Variants in TRHDE observed in about 807,000 individuals in gnomAD.
TRHDE encodes the protein thyrotropin-releasing hormone-degrading ectoenzyme.
A neutral mutation model predicts 125.7 loss-of-function variants in TRHDE; 72 were observed. That is an observed-to-expected ratio of 0.57 (90% CI 0.47 to 0.70). The LOEUF (loss-of-function observed/expected upper bound fraction) is 0.70. Ranked by LOEUF, TRHDE falls within the 30% of genes least tolerant of loss-of-function variation. TRHDE has a pLI of 0.00. For missense variants in TRHDE, 1,110 were observed against 1,327.1 expected, an observed-to-expected ratio of 0.84 and a Z score of 2.54; for synonymous variants, 509 against 509.1, an observed-to-expected ratio of 1.00 and a Z score of 0.00.
chr12:72,281,949 A>T (rs1377915339), intron 1 of TRHDE, among the ~76,000 whole-genome samples: 9 of 152,196 alleles, frequency 5.9e-5, no homozygotes, highest in Admixed American at 5.9e-4. Context: ...CTCAACCAAA[A>T]TGTCAAATAG....
intron 2 of TRHDE, among the ~76,000 whole-genome samples, chr12:72,116,768 C>T (rs1875454884): frequency 6.6e-6 from 1 of 151,550 alleles, no homozygotes; most frequent in South Asian, 2.1e-4. Context: ...AACATTTTTT[C>T]CCATTCTCTA....
intron 15 of TRHDE, among the ~76,000 whole-genome samples, chr12:72,631,561 AT>A (rs1297946625): frequency 6.6e-6 from 1 of 151,946 alleles, no homozygotes; most frequent in African/African-American, 2.4e-5. Context: ...CTCAAAATAC[AT>A]TTCAGCAAAA....
chr12:72,411,243 A>G (rs1873495412), intron 3 of TRHDE, among the ~76,000 whole-genome samples: 1 of 151,662 alleles, frequency 6.6e-6, no homozygotes. Context: ...TGCAACTGAT[A>G]ACATTTGGCA....
At chr12:72,490,327 T>C (rs1224575604) in intron 5 of TRHDE, among the ~76,000 whole-genome samples, 1 of 151,854 alleles carries the variant, frequency 6.6e-6, no homozygotes, top group East Asian at 1.9e-4. Flanking sequence ...AGTTAAAAGA[T>C]AACCAATGTT....
chr12:72,282,043 T>C (rs1879714324), intron 1 of TRHDE, among the ~76,000 whole-genome samples: 1 of 152,204 alleles, frequency 6.6e-6, no homozygotes, highest in Admixed American at 6.5e-5. Flanking sequence ...TTTCCAGTTA[T>C]GCTAAAATGA....
chr12:72,365,877 T>G (rs573879697), intron 2 of TRHDE, among the ~76,000 whole-genome samples: 1 of 152,276 alleles, frequency 6.6e-6, no homozygotes, highest in East Asian at 1.9e-4. Context: ...AACCAAGGAC[T>G]GTGGAGGGCT....
chr12:72,173,163 A>T (rs1876913858), intron 2 of TRHDE, among the ~76,000 whole-genome samples: 1 of 152,188 alleles, frequency 6.6e-6, no homozygotes, highest in East Asian at 1.9e-4. Flanking sequence ...ATGCCTTCAG[A>T]TATTAATAAT....
intron 2 of TRHDE, among the ~76,000 whole-genome samples, chr12:72,260,053 T>C (rs1878912556): frequency 6.6e-6 from 1 of 152,242 alleles, no homozygotes; most frequent in South Asian, 2.1e-4. Flanking sequence ...ATACTTTCTA[T>C]GCACATCTAT....
intron 5 of TRHDE, among the ~76,000 whole-genome samples, chr12:72,485,802 T>C (rs1877378222): frequency 6.6e-6 from 1 of 152,180 alleles, no homozygotes; most frequent in African/African-American, 2.4e-5. Context: ...TGTACTATCT[T>C]GACCTCCAGG....
At chr12:72,502,938 T>G (rs1425176510) in intron 6 of TRHDE, among the ~76,000 whole-genome samples, 1 of 152,186 alleles carries the variant, frequency 6.6e-6, no homozygotes, top group African/African-American at 2.4e-5. Flanking sequence ...CATCAGGCCT[T>G]TATGTAAATT....
At chr12:72,616,638 A>ATAAAT (rs1204591590) in intron 12 of TRHDE, among the ~76,000 whole-genome samples, 4 of 152,154 alleles carry the variant, frequency 2.6e-5, no homozygotes, top group African/African-American at 9.7e-5. Flanking sequence ...ATAAAACACA[A>ATAAAT]TAAATTATAA....
In TRHDE at chr12:72,339,232, C is replaced by T. The variant is rs182773734; in HGVS notation, c.1189-38763C>T. Among the ~76,000 whole-genome samples, 245 of 152,184 alleles carry T rather than the reference C, an allele frequency of 1.6e-3. 5 individuals carry two copies. The highest frequency in any genetic ancestry group is 5.6e-3 in the African/African-American group (234 of 41,540). ...CTGAAGCTCTTACACAGTTTAATTT[C>T]TACTAATTATGTTTACCTTATATTT... On this transcript the variant is annotated intron_variant, in intron 2 of 18. Coordinates refer to ENST00000261180, the MANE Select transcript of TRHDE (RefSeq NM_013381.3).
intron 7 of TRHDE, among the ~76,000 whole-genome samples, chr12:72,554,337 TG>T (rs1392453789): frequency 6.6e-6 from 1 of 152,212 alleles, no homozygotes; most frequent in African/African-American, 2.4e-5. Flanking sequence ...TCATTTTCTC[TG>T]CATACCCTTA....
At chr12:72,179,475 G>A (rs1877052650) in intron 2 of TRHDE, among the ~76,000 whole-genome samples, 1 of 151,872 alleles carries the variant, frequency 6.6e-6, no homozygotes, top group South Asian at 2.1e-4. Context: ...CTACCCTAAT[G>A]CATACCTTTA....
At chr12:72,129,711 A>G (rs1278293995) in intron 2 of TRHDE, among the ~76,000 whole-genome samples, 1 of 152,194 alleles carries the variant, frequency 6.6e-6, no homozygotes, top group Admixed American at 6.5e-5. Flanking sequence ...AAATATATAC[A>G]CAAGACTTTT....
At chr12:72,185,309 G>A (rs1194940661) in intron 2 of TRHDE, among the ~76,000 whole-genome samples, 3 of 152,210 alleles carry the variant, frequency 2.0e-5, no homozygotes, top group African/African-American at 4.8e-5. Context: ...CCTGCAGCCC[G>A]CCATGCCTGA....
intron 2 of TRHDE, among the ~76,000 whole-genome samples, chr12:72,309,360 T>C (rs1443108804): frequency 2.6e-5 from 4 of 152,074 alleles, no homozygotes; most frequent in Admixed American, 6.6e-5. Flanking sequence ...AATTTTTGCA[T>C]GTGTTATGTG....
chr12:72,364,541 G>C lies in TRHDE; in HGVS notation c.1189-13454G>C, dbSNP rs76588635. On this transcript the variant is annotated intron_variant, in intron 2 of 18. Coordinates refer to ENST00000261180, the MANE Select transcript of TRHDE (RefSeq NM_013381.3). The stretch of plus-strand genomic sequence containing the variant: ...TCTATGTCCTCAGCACCTAGGATAA[G>C]TCCTGGCACAGAGTAGCCTCTCAAT... Among the ~76,000 whole-genome samples, 573 of 152,112 alleles carry C rather than the reference G, an allele frequency of 3.8e-3. 3 individuals carry two copies. Among genetic ancestry groups the C allele is most frequent in the African/African-American group, 0.013 (534 of 41,514 alleles).
chr12:72,140,987 A>AT (rs199577964), intron 2 of TRHDE, among the ~76,000 whole-genome samples: 215 of 150,360 alleles, frequency 1.4e-3, no homozygotes, highest in Non-Finnish European at 2.0e-3. Context: ...CAAAAGCTTT[A>AT]TTTTTTTTTT....
Sources: allele counts gnomAD v4.1 joint callset (sites outside exome capture counted in the v4.1 genomes callset), GRCh38; gene constraint gnomAD v4.1.1; transcripts MANE v1.5; gene names NCBI Gene and HGNC (gene_info 2026-07-23, HGNC 2026-07-21).